The following ST6GALNAC3 variants were observed in gnomAD, a reference collection of about 807,000 sequenced individuals.
ST6GALNAC3 encodes the protein alpha-N-acetylgalactosaminide alpha-2,6-sialyltransferase 3.
Under a neutral mutation model 32.7 loss-of-function variants are expected in ST6GALNAC3, and 25 were observed. That is an observed-to-expected ratio of 0.76 (90% CI 0.56 to 1.07). ST6GALNAC3 has a LOEUF of 1.07. Ranked by LOEUF, ST6GALNAC3 falls within the 50% of genes least tolerant of loss-of-function variation. ST6GALNAC3 has a pLI of 0.00. For missense variants in ST6GALNAC3, 355 were observed against 382.4 expected (o/e 0.93, Z 0.60); for synonymous variants, 129 against 133.1 (o/e 0.97, Z 0.21).
At chr1:76,333,087 A>G (rs1401858861) in intron 2 of ST6GALNAC3, among the ~76,000 whole-genome samples, 1 of 152,156 alleles carries the variant, frequency 6.6e-6, no homozygotes, top group African/African-American at 2.4e-5. Flanking sequence ...TGGTGTCTCC[A>G]TGCAGGAAGA....
At chr1:76,374,688 C>T (rs7339997) in intron 2 of ST6GALNAC3, among the ~76,000 whole-genome samples, 43,162 of 151,962 alleles carry the variant, frequency 0.28, 7,331 homozygotes, top group East Asian at 0.6. Flanking sequence ...TACTTGGGGA[C>T]AGTTTTGAAA....
chr1:76,499,638 T>C (rs997364641), intron 3 of ST6GALNAC3, among the ~76,000 whole-genome samples: 5 of 152,144 alleles, frequency 3.3e-5, no homozygotes, highest in Admixed American at 6.6e-5. Flanking sequence ...TACTCAGTAA[T>C]AAAACATTTC....
intron 2 of ST6GALNAC3, among the ~76,000 whole-genome samples, chr1:76,351,125 A>G (rs369862136): frequency 1.3e-5 from 2 of 152,164 alleles, no homozygotes; most frequent in South Asian, 2.1e-4. Flanking sequence ...CCATTCATAC[A>G]AAGATTCGGC....
chr1:76,165,185 A>G (rs1652043546), intron 1 of ST6GALNAC3, among the ~76,000 whole-genome samples: 1 of 151,942 alleles, frequency 6.6e-6, no homozygotes, highest in African/African-American at 2.4e-5. Context: ...CCTTCCTCTG[A>G]TAGGCCCCAG....
At chr1:76,113,856 C>T (rs561276816) in intron 1 of ST6GALNAC3, among the ~76,000 whole-genome samples, 10 of 151,456 alleles carry the variant, frequency 6.6e-5, no homozygotes, top group South Asian at 4.2e-4. Flanking sequence ...GATGGAGTTT[C>T]GCTCTTGTCA....
intron 3 of ST6GALNAC3, among the ~76,000 whole-genome samples, chr1:76,418,609 T>A (rs943707363): frequency 6.7e-6 from 1 of 148,442 alleles, no homozygotes; most frequent in Non-Finnish European, 1.5e-5. Context: ...GTATTTTCCA[T>A]TTTTTTTTCA....
intron 2 of ST6GALNAC3, among the ~76,000 whole-genome samples, chr1:76,366,071 T>C (rs1650344500): frequency 6.6e-6 from 1 of 152,210 alleles, no homozygotes; most frequent in African/African-American, 2.4e-5. Context: ...ATTTCTTTTT[T>C]TTAAAGACTG....
chr1:76,414,688 A>G (rs1231739015), intron 3 of ST6GALNAC3, among the ~76,000 whole-genome samples: 1 of 152,080 alleles, frequency 6.6e-6, no homozygotes. Flanking sequence ...GTATGGTTTC[A>G]TCTATACCCC....
intron 1 of ST6GALNAC3, among the ~76,000 whole-genome samples, chr1:76,123,557 G>T (rs1038829899): frequency 6.6e-6 from 1 of 151,980 alleles, no homozygotes; most frequent in South Asian, 2.1e-4. Context: ...CAGTAAGGGG[G>T]TAGGTATAGT....
At chr1:76,166,790 T>A (rs1233861907) in intron 1 of ST6GALNAC3, among the ~76,000 whole-genome samples, 1 of 152,222 alleles carries the variant, frequency 6.6e-6, no homozygotes. Context: ...CGTTGCCTAT[T>A]CGGCTCTTGG....
intron 1 of ST6GALNAC3, among the ~76,000 whole-genome samples, chr1:76,218,377 T>C (rs1453303300): frequency 6.6e-6 from 1 of 152,192 alleles, no homozygotes; most frequent in African/African-American, 2.4e-5. Flanking sequence ...TATTTGCCCT[T>C]CTGCTCTAAT....
intron 1 of ST6GALNAC3, among the ~76,000 whole-genome samples, chr1:76,130,999 G>T (rs1273486748): frequency 6.6e-6 from 1 of 152,212 alleles, no homozygotes; most frequent in Admixed American, 6.5e-5. Context: ...TTTGAAGGTT[G>T]CTGTCTTTTG....
chr1:76,583,691 A>G (rs1372614693), intron 3 of ST6GALNAC3, among the ~76,000 whole-genome samples: 2 of 152,210 alleles, frequency 1.3e-5, no homozygotes, highest in East Asian at 3.9e-4. Flanking sequence ...CTATGTGCTT[A>G]GGACGCTGTG....
chr1:76,133,365 T>A (rs767450929), intron 1 of ST6GALNAC3, among the ~76,000 whole-genome samples: 8 of 152,184 alleles, frequency 5.3e-5, no homozygotes, highest in Non-Finnish European at 1.0e-4. Flanking sequence ...GGGCCTTCAG[T>A]CTGCATTGGA....
intron 1 of ST6GALNAC3, among the ~76,000 whole-genome samples, chr1:76,269,090 A>G (rs1256533532): frequency 6.6e-6 from 1 of 152,196 alleles, no homozygotes; most frequent in Non-Finnish European, 1.5e-5. Context: ...AACTCCGGTC[A>G]GTTGTGAAGA....
chr1:76,219,645 C>G (rs761018709), intron 1 of ST6GALNAC3, among the ~76,000 whole-genome samples: 1 of 152,188 alleles, frequency 6.6e-6, no homozygotes, highest in Non-Finnish European at 1.5e-5. Flanking sequence ...TTTGGCCATA[C>G]ATCACTAAAA....
chr1:76,354,054 T>C (rs1249301658), intron 2 of ST6GALNAC3: 4 of 154,616 alleles, frequency 2.6e-5, no homozygotes, highest in Admixed American at 1.3e-4. Context: ...CCATGACAGG[T>C]GCCATGGCTG....
chr1:76,079,069 A>G (rs1281738101), intron 1 of ST6GALNAC3, among the ~76,000 whole-genome samples: 2 of 152,206 alleles, frequency 1.3e-5, no homozygotes, highest in African/African-American at 2.4e-5. Flanking sequence ...GGCATGAGCC[A>G]TCGTGCCTGG....
chr1:76,335,715 A>G (rs1647417620), intron 2 of ST6GALNAC3, among the ~76,000 whole-genome samples: 2 of 152,156 alleles, frequency 1.3e-5, no homozygotes, highest in African/African-American at 4.8e-5. Context: ...TCCTTTTCCA[A>G]TTATGTTTTC....
Sources: allele counts gnomAD v4.1 joint callset (sites outside exome capture counted in the v4.1 genomes callset), GRCh38; gene constraint gnomAD v4.1.1; transcripts MANE v1.5; gene names NCBI Gene and HGNC (gene_info 2026-07-23, HGNC 2026-07-21).